Variants in WDR35 observed in about 807,000 individuals in gnomAD.
WDR35 encodes WD repeat domain 35.
A neutral mutation model predicts 158.3 loss-of-function variants in WDR35; 118 were observed. The ratio of observed to expected loss-of-function variants is 0.75; its 90% confidence interval spans 0.64 to 0.87. The LOEUF is 0.87. WDR35 is among the 40% of genes least tolerant of loss of function. The pLI, the probability that WDR35 is intolerant of heterozygous loss-of-function variation, is 0.00. For synonymous variants in WDR35, 448 were observed against 476.1 expected, an observed-to-expected ratio of 0.94 and a Z score of 0.77; for missense variants, 1,263 against 1,405.8, an observed-to-expected ratio of 0.90 and a Z score of 1.62.
In WDR35 at chr2:19,912,603, A is replaced by C. The variant is rs1402948105; in HGVS notation, c.*955T>G. 1 of 152,244 alleles carries C rather than the reference A, an allele frequency of 6.6e-6. No homozygotes were observed. Among genetic ancestry groups the C allele is most frequent in the Admixed American group, 6.5e-5 (1 of 15,290 alleles). 9.4% of individuals were successfully genotyped at this position (152,244 alleles called of 1,614,324 possible). On this transcript the variant is annotated 3_prime_UTR_variant, in exon 27 of 27. Transcript: ENST00000281405. ...TATGTAAGCCAAACCTCAATAAAATAATCTTGATGAAATAGTGCAAAGGTC... is the reference window on the plus strand; with the variant it reads ...TATGTAAGCCAAACCTCAATAAAATCATCTTGATGAAATAGTGCAAAGGTC...
intron 25 of WDR35, among the ~76,000 whole-genome samples, chr2:19,917,746 G>A (rs1339066626): frequency 1.3e-5 from 2 of 152,202 alleles, no homozygotes; most frequent in African/African-American, 4.8e-5. Context: ...GGGACTATGT[G>A]AAAAGGCCAA....
intron 3 of WDR35, among the ~76,000 whole-genome samples, chr2:19,981,195 C>T (rs1672371214): frequency 6.6e-6 from 1 of 152,112 alleles, no homozygotes; most frequent in African/African-American, 2.4e-5. Flanking sequence ...TCTCTTCTGC[C>T]CACCTCTCAC....
chr2:19,949,616 G>A (rs550103549), intron 13 of WDR35, among the ~76,000 whole-genome samples: 21 of 152,212 alleles, frequency 1.4e-4, no homozygotes, highest in Admixed American at 8.5e-4. Context: ...AGCCACATAC[G>A]GCTAATGGCT....
chr2:19,947,086 G>C (rs1671083904), intron 14 of WDR35, among the ~76,000 whole-genome samples: 2 of 152,154 alleles, frequency 1.3e-5, no homozygotes, highest in Non-Finnish European at 2.9e-5. Context: ...ATGAATATTA[G>C]TTTAAATAAG....
chr2:19,927,384 A>G (rs1670388550), intron 25 of WDR35, among the ~76,000 whole-genome samples: 1 of 152,238 alleles, frequency 6.6e-6, no homozygotes, highest in Non-Finnish European at 1.5e-5. Context: ...GTGCTGCACA[A>G]TGATTCCTAT....
intron 25 of WDR35, among the ~76,000 whole-genome samples, chr2:19,917,013 G>A (rs188727351): frequency 6.6e-6 from 1 of 152,282 alleles, no homozygotes; most frequent in African/African-American, 2.4e-5. Context: ...CTGGCATCTG[G>A]CAGGTGCCCC....
chr2:19,989,905 A>G, intron 1 of WDR35, 87 bp downstream of exon 1: 1 of 1,584,634 alleles, frequency 6.3e-7, no homozygotes, highest in Non-Finnish European at 8.6e-7. Context: ...GACCGGGTGA[A>G]GGAGCCTGGC....
At position 19,973,607 on chromosome 2, in the gene WDR35, C is replaced by A; in HGVS notation, c.838G>T (p.Asp280Tyr). 2 of 1,614,144 alleles carry A rather than the reference C, an allele frequency of 1.2e-6. No homozygotes were observed. The highest frequency in any genetic ancestry group is 1.7e-6 in the Non-Finnish European group (2 of 1,180,024). Residue 280 changes from aspartate (D) to tyrosine (Y), a missense_variant, in exon 8 of 27, where the codon GAC becomes TAC. By Grantham distance (160) the Asp-to-Tyr change is radical. Transcript: ENST00000281405. ...AACTGCACAATGTTCACATCTTTGT[C>A]CTGCATGGCTGCCTTCTGGAAGCCT... The part of the protein sequence containing the change: ...VAGFQKAAMQ[D>Y]KDVNIVQFYT...
chr2:19,956,841 G>A (rs1271169904), intron 11 of WDR35, among the ~76,000 whole-genome samples: 3 of 151,964 alleles, frequency 2.0e-5, no homozygotes, highest in Admixed American at 6.6e-5. Context: ...GGATGGTCTC[G>A]ATCTCCTGAC....
intron 2 of WDR35, among the ~76,000 whole-genome samples, chr2:19,982,904 A>G (rs1302341371): frequency 2.6e-5 from 4 of 152,224 alleles, no homozygotes; most frequent in Admixed American, 2.0e-4. Context: ...TTACTAGATT[A>G]CACAGAATCT....
In WDR35 at chr2:19,982,501, C is replaced by T. The variant is rs749007367; in HGVS notation, c.176G>A (p.Ser59Asn). Residue 59 changes from serine (S) to asparagine (N), a missense_variant, in exon 3 of 27, where the codon AGT becomes AAT. By Grantham distance (46) the Ser-to-Asn change is conservative. Transcript: ENST00000281405. ...DAKLRGLAAPSNLSMNQTLEG... is the reference protein window; with the variant it reads ...DAKLRGLAAPNNLSMNQTLEG... Reference sequence around the variant, plus strand: ...AAGAGTCTGATTCATAGAAAGGTTACTGGGGGCTGCAAGGCCCCTCAATTT... The same window carrying T: ...AAGAGTCTGATTCATAGAAAGGTTATTGGGGGCTGCAAGGCCCCTCAATTT... The T allele has an allele frequency of 6.2e-7, 1 of 1,613,914 alleles. No individual in the cohort carries two copies. The highest frequency in any genetic ancestry group is 8.5e-7 in the Non-Finnish European group (1 of 1,179,922).
At chr2:19,957,545 A>G (rs1464192695) in intron 11 of WDR35, among the ~76,000 whole-genome samples, 1 of 149,322 alleles carries the variant, frequency 6.7e-6, no homozygotes, top group Non-Finnish European at 1.5e-5. Context: ...AATATCTAGA[A>G]AGGTTATTGG....
intron 12 of WDR35, 29 bp from the exon 13 acceptor site, chr2:19,951,513 A>T: frequency 6.4e-7 from 1 of 1,557,098 alleles, no homozygotes; most frequent in Non-Finnish European, 8.8e-7. Context: ...TTTCAAAGAA[A>T]GTTTAAGTAT....
intron 2 of WDR35, among the ~76,000 whole-genome samples, chr2:19,984,779 C>T (rs1310393694): frequency 6.6e-6 from 1 of 152,222 alleles, no homozygotes; most frequent in African/African-American, 2.4e-5. Context: ...CTTTTGTTTG[C>T]ATTCATAAAA....
intron 8 of WDR35, among the ~76,000 whole-genome samples, chr2:19,970,609 A>T (rs1299328609): frequency 6.6e-6 from 1 of 152,202 alleles, no homozygotes; most frequent in Non-Finnish European, 1.5e-5. Context: ...CACATTCTTT[A>T]GCATGGCATA....
Position 19,989,227 on chromosome 2 carries a change from C to G in WDR35, c.80G>C (p.Gly27Ala), listed in dbSNP as rs547387191. ...LQCVSWNKEQ[G>A]FIACGGEDGL... ...ATCTTCACCACCGCATGCTATGAAC[C>G]CTTGTTCCTTGTTCCAGGATACACA... The change falls in exon 2 of 27, where the codon GGG (glycine) becomes GCG (alanine). Residue 27 changes from glycine to alanine, a missense_variant. Gly to Ala is a moderately conservative substitution (Grantham distance 60, BLOSUM62 0). Coordinates refer to ENST00000281405, the MANE Select transcript of WDR35 (RefSeq NM_020779.4). The G allele has an allele frequency of 1.9e-6, 3 of 1,614,152 alleles. No individual in the cohort carries two copies. The East Asian group carries it at 6.7e-5, about 36-fold the overall frequency.
At chr2:19,935,398 T>G in intron 21 of WDR35, 73 bp downstream of exon 21, 1 of 1,518,274 alleles carries the variant, frequency 6.6e-7, no homozygotes, top group Non-Finnish European at 9.0e-7. Context: ...TTGTGGGAGA[T>G]ATTTCCTGAC....
chr2:19,935,695 C>G (rs764217771), intron 20 of WDR35, 92 bp from the exon 21 acceptor site: 169 of 1,423,276 alleles, frequency 1.2e-4, no homozygotes, highest in Non-Finnish European at 1.4e-4. Context: ...CATCATAATT[C>G]CCAGTACTAG....
chr2:19,930,798 C>T (rs1016899973), intron 24 of WDR35, among the ~76,000 whole-genome samples: 1 of 152,102 alleles, frequency 6.6e-6, no homozygotes, highest in African/African-American at 2.4e-5. Context: ...CCTAAGCCTC[C>T]CTAGTCACTG....
Sources: allele counts gnomAD v4.1 joint callset (sites outside exome capture counted in the v4.1 genomes callset), GRCh38; gene constraint gnomAD v4.1.1; transcripts MANE v1.5; gene names NCBI Gene and HGNC (gene_info 2026-07-23, HGNC 2026-07-21).